Variants in DACH2 observed in about 807,000 individuals in gnomAD.
DACH2 encodes the protein dachshund family transcription factor 2.
In DACH2, 17 loss-of-function variants were observed where a neutral mutation model predicts 35.8. The observed-to-expected ratio is 0.48, with a 90% CI of 0.33 to 0.71. DACH2 has a LOEUF of 0.71. DACH2 is among the 30% of genes least tolerant of loss of function. The pLI is 0.02. For missense variants in DACH2, 469 were observed against 472.7 expected (o/e 0.99, Z 0.07); for synonymous variants, 195 against 177.3 (o/e 1.10, Z -0.79).
chrX:86,618,575 AAT>A (rs2040034331), intron 3 of DACH2, among the ~76,000 whole-genome samples: 1 of 112,191 alleles, frequency 8.9e-6, no homozygotes, highest in Non-Finnish European at 1.9e-5. Flanking sequence ...TACATGTACA[AAT>A]ATGTTTTACA....
At chrX:86,607,057 T>A (rs764937342) in intron 3 of DACH2, among the ~76,000 whole-genome samples, 186 of 111,840 alleles carry the variant, frequency 1.7e-3, no homozygotes, top group African/African-American at 5.8e-3. Context: ...TATCTTTTTA[T>A]TTTTAGTCTG....
At chrX:86,778,770 C>T (rs1220226197) in intron 7 of DACH2, among the ~76,000 whole-genome samples, 1 of 110,334 alleles carries the variant, frequency 9.1e-6, no homozygotes, top group Non-Finnish European at 1.9e-5. Flanking sequence ...GCCACTGCAC[C>T]CAACTAATTT....
intron 1 of DACH2, among the ~76,000 whole-genome samples, chrX:86,210,472 G>A (rs1297027214): frequency 9.0e-6 from 1 of 111,383 alleles, no homozygotes; most frequent in Non-Finnish European, 1.9e-5. Flanking sequence ...ATCTCAAAAA[G>A]CAAAGGAATG....
intron 1 of DACH2, among the ~76,000 whole-genome samples, chrX:86,234,335 A>G (rs2033011841): frequency 9.0e-6 from 1 of 111,690 alleles, no homozygotes; most frequent in Non-Finnish European, 1.9e-5. Context: ...AATTTCAGCT[A>G]ACATTACTTT....
chrX:86,738,711 G>A (rs1208224222), intron 6 of DACH2, among the ~76,000 whole-genome samples: 1 of 111,370 alleles, frequency 9.0e-6, no homozygotes, highest in Non-Finnish European at 1.9e-5. Context: ...ATAATCAGAA[G>A]TCTTGAGAGC....
intron 7 of DACH2, among the ~76,000 whole-genome samples, chrX:86,760,143 G>T (rs1170115296): frequency 9.0e-6 from 1 of 111,156 alleles, no homozygotes; most frequent in East Asian, 2.8e-4. Flanking sequence ...CATTGCTTAT[G>T]ACTTTTGACA....
At position 86,814,556 on chromosome X, in the gene DACH2, G is replaced by A. The variant is rs150695365; in HGVS notation, c.1538-132G>A. On this transcript the variant is annotated intron_variant, in intron 9 of 11. Coordinates refer to ENST00000373125, the MANE Select transcript of DACH2 (RefSeq NM_053281.3). ...TAATGAGCATTAGTACCAAAAGAAC[G>A]CTAATCATATGTCAAGTGAAATATT... 1,660 of 664,731 alleles carry A rather than the reference G, an allele frequency of 2.5e-3. 9 individuals are homozygous for A. The African/African-American group carries it at 0.032, about 13-fold the overall frequency. The allele number at this position is 664,731 out of a possible 1,213,427, so 54.8% of individuals were successfully genotyped here. A position where few individuals can be genotyped will look rare whatever the true frequency, so the allele number is the denominator to read the frequency against.
intron 1 of DACH2, among the ~76,000 whole-genome samples, chrX:86,175,545 A>AT (rs2031273080): frequency 9.0e-6 from 1 of 111,415 alleles, no homozygotes; most frequent in South Asian, 3.8e-4. Context: ...TCATGAGGTT[A>AT]TTTTTTTATC....
chrX:86,804,798 C>T (rs140808566), intron 7 of DACH2, among the ~76,000 whole-genome samples: 65 of 112,653 alleles, frequency 5.8e-4, no homozygotes, highest in African/African-American at 2.0e-3. Flanking sequence ...AATCTTAAAG[C>T]TCCAAAAGAG....
intron 2 of DACH2, among the ~76,000 whole-genome samples, chrX:86,400,748 T>A (rs1420894960): frequency 1.8e-5 from 2 of 111,379 alleles, no homozygotes; most frequent in Non-Finnish European, 3.8e-5. Flanking sequence ...ATGTTTTGTC[T>A]CAGAGGAGTA....
intron 6 of DACH2, among the ~76,000 whole-genome samples, chrX:86,726,138 C>G (rs1000590493): frequency 1.1e-4 from 12 of 111,559 alleles, no homozygotes; most frequent in African/African-American, 3.9e-4. Flanking sequence ...GAGGGTGGGG[C>G]CCCTCATAGC....
intron 6 of DACH2, among the ~76,000 whole-genome samples, chrX:86,725,449 C>T (rs768383403): frequency 1.3e-4 from 15 of 111,421 alleles, no homozygotes; most frequent in Non-Finnish European, 2.6e-4. Context: ...TGATTTCCTC[C>T]GTGGTTAGGG....
intron 1 of DACH2, among the ~76,000 whole-genome samples, chrX:86,279,264 AG>A (rs1223450955): frequency 8.9e-6 from 1 of 111,890 alleles, no homozygotes; most frequent in Non-Finnish European, 1.9e-5. Context: ...ACCTCCCAGC[AG>A]GGGGCACAGA....
intron 4 of DACH2, among the ~76,000 whole-genome samples, chrX:86,685,907 A>G (rs1393260413): frequency 6.3e-5 from 7 of 111,729 alleles, no homozygotes; most frequent in Admixed American, 5.7e-4. Flanking sequence ...TTAAAATTCA[A>G]CATGAGATTT....
intron 1 of DACH2, among the ~76,000 whole-genome samples, chrX:86,371,441 C>A (rs2035886274): frequency 9.0e-6 from 1 of 110,765 alleles, no homozygotes; most frequent in Non-Finnish European, 1.9e-5. Flanking sequence ...TGAGAGGAAG[C>A]AAATGGTCAG....
At chrX:86,815,256 G>A (rs1178504058) in intron 10 of DACH2, among the ~76,000 whole-genome samples, 1 of 111,357 alleles carries the variant, frequency 9.0e-6, no homozygotes, top group Non-Finnish European at 1.9e-5. Flanking sequence ...TGCCTAAGGA[G>A]TACCAGGTTG....
chrX:86,162,702 A>G (rs242853), intron 1 of DACH2, among the ~76,000 whole-genome samples: 54,117 of 110,112 alleles, frequency 0.49, 10,948 homozygotes, highest in African/African-American at 0.76. Flanking sequence ...AGTAATATTC[A>G]TTTAGTATTC....
At chrX:86,669,622 A>G (rs1258093004) in intron 4 of DACH2, among the ~76,000 whole-genome samples, 2 of 111,694 alleles carry the variant, frequency 1.8e-5, no homozygotes, top group Non-Finnish European at 3.8e-5. Context: ...TAGACAGTAT[A>G]TGGTCAAATA....
chrX:86,268,139 C>A (rs780653564), intron 1 of DACH2, among the ~76,000 whole-genome samples: 2 of 112,295 alleles, frequency 1.8e-5, no homozygotes, highest in Non-Finnish European at 3.8e-5. Flanking sequence ...GTGAAAAGAG[C>A]TGGGTTAAAT....
Sources: allele counts gnomAD v4.1 joint callset (sites outside exome capture counted in the v4.1 genomes callset), GRCh38; gene constraint gnomAD v4.1.1; transcripts MANE v1.5; gene names NCBI Gene and HGNC (gene_info 2026-07-23, HGNC 2026-07-21).